Variants in PLEKHA3 observed in about 807,000 individuals in gnomAD.
PLEKHA3 encodes the protein pleckstrin homology domain-containing family A member 3.
A neutral mutation model predicts 39.2 loss-of-function variants in PLEKHA3; 19 were observed. The observed-to-expected ratio is 0.48, with a 90% CI of 0.34 to 0.71. The LOEUF is 0.71. PLEKHA3 is among the 30% of genes least tolerant of loss of function. The pLI, the probability that PLEKHA3 is intolerant of heterozygous loss-of-function variation, is 0.01. For synonymous variants in PLEKHA3, 97 were observed against 118.6 expected (o/e 0.82, Z 1.18); for missense variants, 253 against 359.5 (o/e 0.70, Z 2.40).
chr2:178,499,278 TA>T (rs1352765514), intron 6 of PLEKHA3, 24 bp downstream of exon 6: 8 of 1,608,826 alleles, frequency 5.0e-6, no homozygotes, highest in Non-Finnish European at 6.8e-6. Flanking sequence ...TTCTTCTGAC[TA>T]AGTTCTCTCA....
At position 178,506,197 on chromosome 2, in the gene PLEKHA3, T is replaced by C. The variant is rs564702951; in HGVS notation, c.*2310T>C. 6 of 152,254 alleles carry C rather than the reference T, an allele frequency of 3.9e-5. No homozygotes were observed. Among genetic ancestry groups the C allele is most frequent in the Admixed American group, 1.3e-4 (2 of 15,290 alleles). The allele number at this position is 152,254 out of a possible 1,614,324, so 9.4% of individuals were successfully genotyped here. On this transcript the variant is annotated 3_prime_UTR_variant, in exon 8 of 8. Coordinates refer to ENST00000234453, the MANE Select transcript of PLEKHA3 (RefSeq NM_019091.4). Reference sequence around the variant, plus strand: ...ATTATTAGTTATTAGTAGTCCCTTTTTTTTGCTTTGTCTAGGTCATGGGGT... The same window carrying C: ...ATTATTAGTTATTAGTAGTCCCTTTCTTTTGCTTTGTCTAGGTCATGGGGT...
rs1367363007 is a variant in PLEKHA3, at chr2:178,480,802, C to G, written c.-68C>G. The G allele has an allele frequency of 1.6e-6, 2 of 1,281,040 alleles. No homozygotes were observed. Among genetic ancestry groups the G allele is most frequent in the Admixed American group, 6.2e-5 (2 of 32,110 alleles). 79.4% of individuals were successfully genotyped at this position (1,281,040 alleles called of 1,614,324 possible). A position where few individuals can be genotyped will look rare whatever the true frequency, so the allele number is the denominator to read the frequency against. ...GCGGGCCGGGAGGGGCTGCCCCAGG[C>G]CCTGCGCCTACCCCATCACCGCGGC... On this transcript the variant is annotated 5_prime_UTR_variant, in exon 1 of 8. Transcript: ENST00000234453.
intron 1 of PLEKHA3, among the ~76,000 whole-genome samples, chr2:178,484,942 T>G (rs1241363390): frequency 1.3e-5 from 2 of 152,244 alleles, no homozygotes; most frequent in African/African-American, 4.8e-5. Flanking sequence ...ATTTCAACCC[T>G]AGCTGTGCAA....
In PLEKHA3 at chr2:178,515,825, T is replaced by C. The variant is rs1685754449; in HGVS notation, c.*11938T>C. ...TTGGCTTTCCAAAATTTTCACTTTTTTTCAGTTAACTAGTTGAATAGTATT... is the reference window on the plus strand; with the variant it reads ...TTGGCTTTCCAAAATTTTCACTTTTCTTCAGTTAACTAGTTGAATAGTATT... On this transcript the variant is annotated 3_prime_UTR_variant, in exon 8 of 8. Transcript: ENST00000234453. 1 of 152,136 alleles carries C rather than the reference T, an allele frequency of 6.6e-6. No homozygotes were observed. Among genetic ancestry groups the C allele is most frequent in the Non-Finnish European group, 1.5e-5 (1 of 67,988 alleles). The allele number at this position is 152,136 out of a possible 1,614,324, so 9.4% of individuals were successfully genotyped here. A position where few individuals can be genotyped will look rare whatever the true frequency, so the allele number is the denominator to read the frequency against.
chr2:178,508,050 G>GGTGTGTGTGT lies in PLEKHA3; in HGVS notation c.*4193_*4202dup, dbSNP rs71023446. 3.5e-5 allele frequency: 5 copies of GGTGTGTGTGT among 142,222 alleles called. No individual in the cohort carries two copies. Among genetic ancestry groups the GGTGTGTGTGT allele is most frequent in the African/African-American group, 5.3e-5 (2 of 37,912 alleles). 8.8% of individuals were successfully genotyped at this position (142,222 alleles called of 1,614,324 possible). ...TAGAGATTTGTCTGCTTCAGTTCTG[G>GGTGTGTGTGT]GTGTGTGTGTGTGTGTGTGTGTGTG... On this transcript the variant is annotated 3_prime_UTR_variant, in exon 8 of 8. Coordinates refer to ENST00000234453, the MANE Select transcript of PLEKHA3 (RefSeq NM_019091.4).
intron 6 of PLEKHA3, among the ~76,000 whole-genome samples, chr2:178,500,289 A>G (rs1050171423): frequency 1.3e-5 from 2 of 152,078 alleles, no homozygotes; most frequent in Admixed American, 1.3e-4. Flanking sequence ...ACTGTCAAAT[A>G]CTCAGAGGAA....
intron 3 of PLEKHA3, among the ~76,000 whole-genome samples, chr2:178,492,958 T>C (rs192037801): frequency 8.2e-4 from 125 of 152,304 alleles, no homozygotes; most frequent in African/African-American, 2.5e-3. Flanking sequence ...GGAGAAAGAA[T>C]AGGCTTAAAT....
rs1307964669 is a variant in PLEKHA3 at position 178,504,601 on chromosome 2, G to A, written c.*714G>A. On this transcript the variant is annotated 3_prime_UTR_variant, in exon 8 of 8. Transcript: ENST00000234453. ...CCTACCAAATTTAAGATGTGTATAC[G>A]TTGTTCTTTACGTTGTTCTAGAAAA... 1 of 152,180 alleles carries A rather than the reference G, an allele frequency of 6.6e-6. No homozygotes were observed. The highest frequency in any genetic ancestry group is 1.9e-4 in the East Asian group (1 of 5,198). 9.4% of individuals were successfully genotyped at this position (152,180 alleles called of 1,614,324 possible). A position where few individuals can be genotyped will look rare whatever the true frequency, so the allele number is the denominator to read the frequency against.
At chr2:178,487,166 A>G (rs1685263256) in intron 2 of PLEKHA3, among the ~76,000 whole-genome samples, 1 of 152,146 alleles carries the variant, frequency 6.6e-6, no homozygotes, top group Admixed American at 6.5e-5. Flanking sequence ...AAACTGACCT[A>G]ACAGGATTCT....
chr2:178,491,195 G>A (rs568704927), intron 3 of PLEKHA3, among the ~76,000 whole-genome samples: 85 of 152,086 alleles, frequency 5.6e-4, no homozygotes, highest in African/African-American at 1.9e-3. Context: ...ATTTTTAGTA[G>A]AGACGGGGTT....
chr2:178,496,451 A>G (rs1274905087), intron 5 of PLEKHA3, among the ~76,000 whole-genome samples: 7 of 152,190 alleles, frequency 4.6e-5, no homozygotes, highest in Non-Finnish European at 8.8e-5. Context: ...CTGAAGATCT[A>G]TTTGTTAGGA....
chr2:178,508,423 A>T lies in PLEKHA3; in HGVS notation c.*4536A>T, dbSNP rs551784381. 6.6e-6 allele frequency: 1 copy of T among 151,794 alleles called. No individual in the cohort carries two copies. Among genetic ancestry groups the T allele is most frequent in the South Asian group, 2.1e-4 (1 of 4,804 alleles). The allele number at this position is 151,794 out of a possible 1,614,324, so 9.4% of individuals were successfully genotyped here. A position where few individuals can be genotyped will look rare whatever the true frequency, so the allele number is the denominator to read the frequency against. ...TTTCTTACATCTTTCCTGTTTCTTG[A>T]ATGGTTCTCCCCCTCCCCCACCATG... On this transcript the variant is annotated 3_prime_UTR_variant, in exon 8 of 8. Transcript: ENST00000234453.
chr2:178,494,523 C>T (rs1014751798), intron 4 of PLEKHA3, among the ~76,000 whole-genome samples: 5 of 152,328 alleles, frequency 3.3e-5, no homozygotes, highest in Non-Finnish European at 2.9e-5. Flanking sequence ...AGCATGTTGC[C>T]TGTCCCTTTT....
At chr2:178,492,582 C>T (rs987600417) in intron 3 of PLEKHA3, among the ~76,000 whole-genome samples, 13 of 150,704 alleles carry the variant, frequency 8.6e-5, no homozygotes, top group South Asian at 4.2e-4. Flanking sequence ...TGTAACTAAC[C>T]TGCACATTGT....
In PLEKHA3 at chr2:178,501,119, C is replaced by A; in HGVS notation, c.718C>A (p.Arg240=). Residue 240 remains arginine (R), a synonymous_variant, in exon 7 of 8, where the codon CGA becomes AGA. Coordinates refer to ENST00000234453, the MANE Select transcript of PLEKHA3 (RefSeq NM_019091.4). ...STLHRLSQRR[R]RTYSDTDSCS... ...ACTTCACCGACTCTCCCAGCGACGC[C>A]GAAGAACCTACTCAGATACAGATTC... The A allele has an allele frequency of 1.2e-6, 2 of 1,613,334 alleles. No individual in the cohort carries two copies. The highest frequency in any genetic ancestry group is 1.7e-6 in the Non-Finnish European group (2 of 1,179,470).
At chr2:178,481,841 T>TG (rs1235928065) in intron 1 of PLEKHA3, 71 of 101,770 alleles carry the variant, frequency 7.0e-4, no homozygotes, top group African/African-American at 2.1e-3. Context: ...AACAGATTTT[T>TG]TGGGGGGGGG....
At chr2:178,482,567 A>AG (rs1455958744) in intron 1 of PLEKHA3, among the ~76,000 whole-genome samples, 2 of 151,926 alleles carry the variant, frequency 1.3e-5, no homozygotes, top group Non-Finnish European at 2.9e-5. Context: ...AAAAAAAAAA[A>AG]AAAAGACATT....
In PLEKHA3 at chr2:178,495,637, G is replaced by A. The variant is rs768372368; in HGVS notation, c.592G>A (p.Val198Met). The A allele has an allele frequency of 6.2e-7, 1 of 1,611,770 alleles. No homozygotes were observed. ...LHHPDPLVSPVSPSPVQMMKR... is the reference protein window; with the variant it reads ...LHHPDPLVSPMSPSPVQMMKR... ...CCATCCGGATCCCTTAGTTTCTCCTGTGTCACCTTCTCCTGTTCAAATGGT... is the reference window on the plus strand; with the variant it reads ...CCATCCGGATCCCTTAGTTTCTCCTATGTCACCTTCTCCTGTTCAAATGGT... Residue 198 changes from valine (V) to methionine (M), a missense_variant, in exon 5 of 8, where the codon GTG (valine) becomes ATG (methionine). This residue lies in a region of PLEKHA3 where 127 missense variants were observed against 136.8 expected (regional missense o/e 0.93). Coordinates refer to ENST00000234453, the MANE Select transcript of PLEKHA3 (RefSeq NM_019091.4).
At chr2:178,497,291 C>T (rs1017638987) in intron 5 of PLEKHA3, among the ~76,000 whole-genome samples, 1 of 151,842 alleles carries the variant, frequency 6.6e-6, no homozygotes, top group East Asian at 1.9e-4. Flanking sequence ...AGTGCAGTGG[C>T]GCAATCTCAG....
Sources: allele counts gnomAD v4.1 joint callset (sites outside exome capture counted in the v4.1 genomes callset), GRCh38; gene constraint gnomAD v4.1.1; regional missense constraint gnomAD v4.1.1; transcripts MANE v1.5; gene names NCBI Gene and HGNC (gene_info 2026-07-23, HGNC 2026-07-21).